STIM1: variants seen among roughly 807,000 people sequenced by gnomAD.
The protein encoded by STIM1 is stromal interaction molecule 1.
A neutral mutation model predicts 74.7 loss-of-function variants in STIM1; 25 were observed. That is an observed-to-expected ratio of 0.33 (90% CI 0.24 to 0.47). The LOEUF is 0.47. STIM1 is among the 20% of genes least tolerant of loss of function. The probability of loss-of-function intolerance (pLI) is 1.00; values close to 1 mark genes in which losing one functional copy is unlikely to be tolerated. For synonymous variants in STIM1, 328 were observed against 348.8 expected (o/e 0.94, Z 0.66); for missense variants, 728 against 920.8 (o/e 0.79, Z 2.71).
At chr11:3,992,089 GT>G (rs75377604) in intron 2 of STIM1, among the ~76,000 whole-genome samples, 10,442 of 95,472 alleles carry the variant, frequency 0.11, 196 homozygotes, top group African/African-American at 0.24. Context: ...CTGTTTTTTT[GT>G]TTTTTTTTTT....
At chr11:3,998,232 G>A (rs1434005096) in intron 2 of STIM1, among the ~76,000 whole-genome samples, 4 of 152,178 alleles carry the variant, frequency 2.6e-5, no homozygotes, top group African/African-American at 9.7e-5. Context: ...TTTTACAAAT[G>A]ATGCAAGTTA....
At chr11:3,922,079 C>A (rs1004755344) in intron 1 of STIM1, among the ~76,000 whole-genome samples, 1 of 152,224 alleles carries the variant, frequency 6.6e-6, no homozygotes, top group East Asian at 1.9e-4. Context: ...TTTTAAGCAA[C>A]TAAATTTTGG....
At chr11:3,976,101 C>T (rs137975191) in intron 2 of STIM1, among the ~76,000 whole-genome samples, 128 of 152,162 alleles carry the variant, frequency 8.4e-4, no homozygotes, top group Middle Eastern at 3.4e-3. Context: ...AATGTATGAA[C>T]GGATAAACAG....
rs1219390182 is a variant in STIM1 at position 4,092,416 on chromosome 11, A to C, written c.*618A>C. ...GGAGTGAAACCAATTCTCAGAGAAC[A>C]ACCCACCAGAGACTTTTAAAGAGAG... is the stretch of plus-strand genomic sequence containing the variant. On this transcript the variant is annotated 3_prime_UTR_variant, in exon 13 of 13. Transcript: ENST00000526596. 1 of 163,672 alleles carries C rather than the reference A, an allele frequency of 6.1e-6. No homozygotes were observed. Among genetic ancestry groups the C allele is most frequent in the Non-Finnish European group, 1.4e-5 (1 of 73,352 alleles). 10.1% of individuals were successfully genotyped at this position (163,672 alleles called of 1,614,324 possible).
chr11:3,892,570 G>A lies in STIM1; in HGVS notation c.139+36161G>A, dbSNP rs956474564. The A allele has an allele frequency of 2.5e-6, 4 of 1,601,504 alleles. No homozygotes were observed. The African/African-American group carries it at 4.0e-5, about 16-fold the overall frequency. On this transcript the variant is annotated intron_variant, in intron 1 of 12. Coordinates refer to ENST00000526596, the MANE Select transcript of STIM1 (RefSeq NM_001382567.1). ...AGATGAAAAACTGGGAACTGTTTGTGTTGGGTCCAGCATTTGCCATGGACA... is the reference window on the plus strand; with the variant it reads ...AGATGAAAAACTGGGAACTGTTTGTATTGGGTCCAGCATTTGCCATGGACA...
intron 4 of STIM1, among the ~76,000 whole-genome samples, chr11:4,056,145 C>T (rs921863626): frequency 3.3e-5 from 5 of 152,118 alleles, no homozygotes; most frequent in Non-Finnish European, 7.3e-5. Flanking sequence ...CCTCAGGGCT[C>T]TTTTAGCCTC....
At chr11:3,856,532 C>A in intron 1 of STIM1, 123 bp downstream of exon 1, 1 of 1,209,704 alleles carries the variant, frequency 8.3e-7, no homozygotes, top group Non-Finnish European at 1.1e-6. Flanking sequence ...ACACATGGCA[C>A]TGCCTGTTCC....
At chr11:4,051,407 A>G (rs986720234) in intron 3 of STIM1, among the ~76,000 whole-genome samples, 1 of 151,352 alleles carries the variant, frequency 6.6e-6, no homozygotes, top group East Asian at 1.9e-4. Context: ...CAGTGACGCA[A>G]TCTCGGCTCA....
chr11:3,996,190 G>A (rs2093661939), intron 2 of STIM1, among the ~76,000 whole-genome samples: 1 of 152,140 alleles, frequency 6.6e-6, no homozygotes, highest in Non-Finnish European at 1.5e-5. Flanking sequence ...AAATCTTTGA[G>A]TCACGGTTCT....
chr11:3,971,365 TA>T (rs1170396184), intron 2 of STIM1, among the ~76,000 whole-genome samples: 2 of 151,848 alleles, frequency 1.3e-5, no homozygotes, highest in Admixed American at 6.6e-5. Flanking sequence ...CCGTCTCTAC[TA>T]AAAATACAAA....
rs935868438 is a variant in STIM1, at chr11:4,092,223, G to T, written c.*425G>T. On this transcript the variant is annotated 3_prime_UTR_variant, in exon 13 of 13. Coordinates refer to ENST00000526596, the MANE Select transcript of STIM1 (RefSeq NM_001382567.1). ...CTAGCAGTTGCAGGGAAGATAGGAC[G>T]AGTAGCTTCTGACATGTGTGCCTCA... 2 of 309,902 alleles carry T rather than the reference G, an allele frequency of 6.5e-6. No individual in the cohort carries two copies. 19.2% of individuals were successfully genotyped at this position (309,902 alleles called of 1,614,324 possible).
At chr11:3,935,447 G>A (rs2092921118) in intron 1 of STIM1, among the ~76,000 whole-genome samples, 1 of 152,206 alleles carries the variant, frequency 6.6e-6, no homozygotes, top group Admixed American at 6.5e-5. Context: ...GAAGTAACCA[G>A]GAAACCTGGT....
chr11:3,971,386 G>T (rs986638020), intron 2 of STIM1, among the ~76,000 whole-genome samples: 1 of 152,052 alleles, frequency 6.6e-6, no homozygotes, highest in Non-Finnish European at 1.5e-5. Flanking sequence ...AAAATTCTCC[G>T]GGCGTGGTGG....
At chr11:3,983,146 C>G (rs552885545) in intron 2 of STIM1, among the ~76,000 whole-genome samples, 8 of 152,270 alleles carry the variant, frequency 5.3e-5, no homozygotes, top group African/African-American at 1.9e-4. Context: ...GTTGGCCAGG[C>G]TGGTCTCCAA....
At chr11:3,964,260 C>A (rs2093318357) in intron 1 of STIM1, among the ~76,000 whole-genome samples, 1 of 152,184 alleles carries the variant, frequency 6.6e-6, no homozygotes, top group African/African-American at 2.4e-5. Flanking sequence ...GGAAACCTTG[C>A]CAGATTGGAA....
intron 2 of STIM1, among the ~76,000 whole-genome samples, chr11:4,017,039 A>G (rs1026509821): frequency 2.3e-4 from 35 of 152,212 alleles, no homozygotes; most frequent in African/African-American, 7.5e-4. Context: ...AGGTAAGGCA[A>G]TGCCCCACCC....
intron 3 of STIM1, among the ~76,000 whole-genome samples, chr11:4,026,211 T>G (rs749987563): frequency 2.6e-5 from 4 of 152,202 alleles, no homozygotes; most frequent in Non-Finnish European, 4.4e-5. Flanking sequence ...CAGTACCATC[T>G]GTGTGATTAG....
chr11:3,950,779 C>T (rs1211223494), intron 1 of STIM1, among the ~76,000 whole-genome samples: 1 of 152,052 alleles, frequency 6.6e-6, no homozygotes, highest in East Asian at 1.9e-4. Flanking sequence ...GTGCATGACA[C>T]CATACCCAGC....
intron 1 of STIM1, among the ~76,000 whole-genome samples, chr11:3,915,318 G>A (rs1449366243): frequency 2.0e-5 from 3 of 151,812 alleles, no homozygotes; most frequent in African/African-American, 7.3e-5. Flanking sequence ...TCGAATTCCC[G>A]GGCTCAAGCA....
Sources: allele counts gnomAD v4.1 joint callset (sites outside exome capture counted in the v4.1 genomes callset), GRCh38; gene constraint gnomAD v4.1.1; transcripts MANE v1.5; gene names NCBI Gene and HGNC (gene_info 2026-07-23, HGNC 2026-07-21).